The following NOX1 variants were observed in gnomAD, a reference collection of about 807,000 sequenced individuals.
The protein encoded by NOX1 is NADPH oxidase 1, also known as NADH/NADPH mitogenic oxidase subunit P65-MOX.
NOX1 carries 34 observed loss-of-function variants against 42.5 expected under a neutral mutation model. That is an observed-to-expected ratio of 0.80 (90% CI 0.61 to 1.07). NOX1 has a LOEUF of 1.07. Among genes scored for constraint, NOX1 ranks in the 50% least tolerant of loss-of-function variants. The pLI is 0.00. For missense variants in NOX1, 408 were observed against 427.0 expected (o/e 0.96, Z 0.39); for synonymous variants, 143 against 152.5 (o/e 0.94, Z 0.46).
intron 12 of NOX1, among the ~76,000 whole-genome samples, chrX:100,845,611 G>GT (rs773049273): frequency 0.034 from 1,461 of 42,715 alleles, 104 homozygotes; most frequent in African/African-American, 0.13. Context: ...GAAACTATGT[G>GT]TTTTTTTTTT....
rs1343311278 is a variant in NOX1 at position 100,843,505 on chromosome X, T to C, written c.*447A>G. 9.6e-7 allele frequency: 1 copy of C among 1,045,002 alleles called. No individual in the cohort carries two copies. The highest frequency in any genetic ancestry group is 2.0e-5 in the African/African-American group (1 of 50,324). The allele number at this position is 1,045,002 out of a possible 1,213,427, so 86.1% of individuals were successfully genotyped here. ...GTTTATTATTATGTTTTATCATTAA[T>C]TATTCAATAAATTTTTATTTAAAAA... On this transcript the variant is annotated 3_prime_UTR_variant, in exon 13 of 13. Transcript: ENST00000372966.
intron 7 of NOX1, chrX:100,855,691 C>CA (rs772110697): frequency 8.1e-5 from 83 of 1,023,009 alleles, no homozygotes; most frequent in Non-Finnish European, 1.0e-4. Flanking sequence ...TCCCCACTGC[C>CA]ACCATATCCA....
chrX:100,844,462 C>CT (rs1384677738), intron 12 of NOX1, among the ~76,000 whole-genome samples: 1 of 111,444 alleles, frequency 9.0e-6, no homozygotes, highest in Non-Finnish European at 1.9e-5. Context: ...GAGATGGAGT[C>CT]TTGCTCTGTC....
chrX:100,860,715 C>T (rs1417670308), intron 7 of NOX1, among the ~76,000 whole-genome samples: 1 of 110,801 alleles, frequency 9.0e-6, no homozygotes, highest in Non-Finnish European at 1.9e-5. Flanking sequence ...AATACTTTTC[C>T]TACTTGGTAA....
chrX:100,857,168 A>C (rs990728512), intron 7 of NOX1, among the ~76,000 whole-genome samples: 1 of 112,003 alleles, frequency 8.9e-6, no homozygotes, highest in Non-Finnish European at 1.9e-5. Flanking sequence ...TGCTTAGGAT[A>C]ATGGCCTCCA....
rs779343498 is a variant in NOX1, at chrX:100,866,918, C to A, written c.142-3323G>T. Among the ~76,000 whole-genome samples, 139 of 111,841 alleles carry A rather than the reference C, an allele frequency of 1.2e-3. 1 individual carries two copies. The Middle Eastern group carries it at 0.032, about 26-fold the overall frequency. ...TGTGACTGGGCATGGTCGCTCACAC[C>A]TGTAATACCCGGCCTTTGGGAGGCC... On this transcript the variant is annotated intron_variant, in intron 2 of 12. Coordinates refer to ENST00000372966, the MANE Select transcript of NOX1 (RefSeq NM_007052.5).
rs1569447913 is a variant in NOX1, at chrX:100,862,834, T to C, written c.338-14A>G. On this transcript the variant is annotated splice_polypyrimidine_tract_variant and intron_variant, in intron 4 of 12. Transcript: ENST00000372966. ...TGATGTGAATAGCTAAATGGAAAGA[T>C]GAAAAGAAATGTTAAGAGGCATCTC... 2 of 1,188,866 alleles carry C rather than the reference T, an allele frequency of 1.7e-6. No homozygotes were observed. Among genetic ancestry groups the C allele is most frequent in the Middle Eastern group, 2.3e-4 (1 of 4,272 alleles).
intron 8 of NOX1, among the ~76,000 whole-genome samples, chrX:100,850,901 G>A (rs2085109610): frequency 9.1e-6 from 1 of 110,371 alleles, no homozygotes; most frequent in Non-Finnish European, 1.9e-5. Flanking sequence ...GTGCAGTGGC[G>A]CTATTTCAAC....
chrX:100,866,221 CAAA>C (rs34462542), intron 2 of NOX1, among the ~76,000 whole-genome samples: 1 of 72,784 alleles, frequency 1.4e-5, no homozygotes, highest in Non-Finnish European at 2.6e-5. Context: ...GACTCCATCT[CAAA>C]AAAAAAAAAA....
At chrX:100,851,379 CTTAT>C (rs1203951973) in intron 7 of NOX1, 54 bp from the exon 8 acceptor site, 4 of 671,476 alleles carry the variant, frequency 6.0e-6, no homozygotes, top group African/African-American at 4.5e-5. Flanking sequence ...TTGTTTAGGA[CTTAT>C]TTGTGTAGCA....
In NOX1 at chrX:100,874,196, T is replaced by C; in HGVS notation, c.-57A>G. Reference sequence around the variant, plus strand: ...AACAGGGAAGATTCAGCAATCCGGATTCTGGAGAGGTCCTTCAGGAATGGA... The same window carrying C: ...AACAGGGAAGATTCAGCAATCCGGACTCTGGAGAGGTCCTTCAGGAATGGA... On this transcript the variant is annotated 5_prime_UTR_variant, in exon 1 of 13. Coordinates refer to ENST00000372966, the MANE Select transcript of NOX1 (RefSeq NM_007052.5). The C allele has an allele frequency of 1.2e-6, 1 of 843,220 alleles. No individual in the cohort carries two copies. Among genetic ancestry groups the C allele is most frequent in the South Asian group, 2.2e-5 (1 of 45,664 alleles). The allele number at this position is 843,220 out of a possible 1,213,427, so 69.5% of individuals were successfully genotyped here.
At chrX:100,852,678 G>A (rs762967954) in intron 7 of NOX1, among the ~76,000 whole-genome samples, 1 of 111,862 alleles carries the variant, frequency 8.9e-6, no homozygotes, top group East Asian at 2.8e-4. Context: ...ACTTCCTTGA[G>A]TATCTCTAGG....
intron 2 of NOX1, among the ~76,000 whole-genome samples, chrX:100,869,922 TG>T (rs1416394783): frequency 1.0e-5 from 1 of 99,927 alleles, no homozygotes; most frequent in Non-Finnish European, 2.0e-5. Flanking sequence ...GAGATAATCA[TG>T]TGGTTTTTGT....
rs773735522 is a variant in NOX1, at chrX:100,844,401, C to T, written c.1569-323G>A. On this transcript the variant is annotated intron_variant, in intron 12 of 12. Coordinates refer to ENST00000372966, the MANE Select transcript of NOX1 (RefSeq NM_007052.5). ...AATCTCAGCTCTGACATTTATCCCA[C>T]CTGTGGGACTTTGGGCACATTTCTT... is the stretch of plus-strand genomic sequence containing the variant. 3.6e-5 allele frequency among the ~76,000 whole-genome samples: 4 copies of T among 111,772 alleles called. No individual in the cohort carries two copies. The South Asian group carries it at 1.5e-3, about 43-fold the overall frequency.
rs1569445726 is a variant in NOX1, at chrX:100,853,336, T to TTC, written c.805-2013_805-2012dup. On this transcript the variant is annotated intron_variant, in intron 7 of 12. Transcript: ENST00000372966. The stretch of plus-strand genomic sequence containing the variant: ...TTTCTTTCTTTCTCTCTCTTTCTCT[T>TTC]TCTTTCTTTCTTTCTTTCTTTCTTT... Among the ~76,000 whole-genome samples the TTC allele has an allele frequency of 3.5e-3, 291 of 82,835 alleles. 1 individual carries two copies. Among genetic ancestry groups the TTC allele is most frequent in the Non-Finnish European group, 5.0e-3 (211 of 42,218 alleles). The allele number at this position is 82,835 out of a possible 115,157, so 71.9% of individuals were successfully genotyped here. A position where few individuals can be genotyped will look rare whatever the true frequency, so the allele number is the denominator to read the frequency against.
intron 8 of NOX1, 27 bp downstream of exon 8, chrX:100,851,206 A>T: frequency 1.1e-6 from 1 of 947,196 alleles, no homozygotes; most frequent in South Asian, 2.1e-5. Context: ...CTCTTATCAC[A>T]GCAAGAGGAA....
intron 1 of NOX1, among the ~76,000 whole-genome samples, chrX:100,873,261 C>A (rs1354743808): frequency 9.0e-6 from 1 of 111,602 alleles, no homozygotes; most frequent in Admixed American, 9.5e-5. Context: ...AGGGATTGTG[C>A]ATACAAAGGG....
Position 100,862,449 on chromosome X carries a change from C to G in NOX1, c.614G>C (p.Trp205Ser). 8.3e-7 allele frequency: 1 copy of G among 1,210,353 alleles called. No individual in the cohort carries two copies. Among genetic ancestry groups the G allele is most frequent in the Non-Finnish European group, 1.1e-6 (1 of 894,367 alleles). The change falls in exon 6 of 13, where the codon TGG becomes TCG. Residue 205 changes from tryptophan (W) to serine (S), a missense_variant. Coordinates refer to ENST00000372966, the MANE Select transcript of NOX1 (RefSeq NM_007052.5). Reference protein sequence around the residue: ...FIRRSYFEVFWYTHHLFIFYI... With the variant: ...FIRRSYFEVFSYTHHLFIFYI... ...GAAGATAAAAAGGTGGTGAGTATAC[C>G]AGAAGACTTCAAAATAACTCCTCCG... is the stretch of plus-strand genomic sequence containing the variant.
In NOX1 at chrX:100,856,146, C is replaced by T. The variant is rs1479903230; in HGVS notation, c.805-4821G>A. 1.5e-5 allele frequency: 14 copies of T among 911,774 alleles called. No homozygotes were observed. The African/African-American group carries it at 2.3e-4, about 15-fold the overall frequency. The allele number at this position is 911,774 out of a possible 1,213,427, so 75.1% of individuals were successfully genotyped here. On this transcript the variant is annotated intron_variant, in intron 7 of 12. Transcript: ENST00000372966. ...TTTGGTTCCACAACTTTTCCATCCA[C>T]CTTGTGTGGCCTTGCGTTCGTGGCT... is the stretch of plus-strand genomic sequence containing the variant.
Sources: gnomAD v4.1 joint callset for allele counts (sites outside exome capture counted in the v4.1 genomes callset) on GRCh38, gnomAD v4.1.1 for gene constraint, MANE v1.5 for transcripts, NCBI Gene and HGNC (gene_info 2026-07-23, HGNC 2026-07-21) for gene names.